The following CLEC2L variants were observed in gnomAD, a reference collection of about 807,000 sequenced individuals.
CLEC2L encodes the protein C-type lectin domain family 2, member L.
Under a neutral mutation model 23.6 loss-of-function variants are expected in CLEC2L, and 14 were observed. The ratio of observed to expected loss-of-function variants is 0.59; its 90% CI spans 0.39 to 0.93. The LOEUF (loss-of-function observed/expected upper bound fraction) is 0.93. Among genes scored for constraint, CLEC2L ranks in the 40% least tolerant of loss-of-function variants. CLEC2L has a pLI of 0.00. For missense variants in CLEC2L, 264 were observed against 282.4 expected (o/e 0.93, Z 0.47); for synonymous variants, 114 against 121.3 (o/e 0.94, Z 0.40).
At chr7:139,534,814 A>ATTAATT (rs1797629541) in intron 1 of CLEC2L, among the ~76,000 whole-genome samples, 2 of 151,882 alleles carry the variant, frequency 1.3e-5, no homozygotes, top group African/African-American at 2.4e-5. Flanking sequence ...TCCTCAATTA[A>ATTAATT]TGTTGGTTCC....
rs1797471376 is a variant in CLEC2L at position 139,524,137 on chromosome 7, C to A, written c.190+20C>A. On this transcript the variant is annotated intron_variant, in intron 1 of 4. Coordinates refer to ENST00000422142, the MANE Select transcript of CLEC2L (RefSeq NM_001080511.4). ...TGGAGGGTAAGCGCGGAGCGGCCTC[C>A]CTCTCCTGGCCCAGGGACCCCTGCC... The A allele has an allele frequency of 1.6e-6, 2 of 1,217,442 alleles. No homozygotes were observed. The highest frequency in any genetic ancestry group is 3.1e-5 in the African/African-American group (2 of 63,762). The allele number at this position is 1,217,442 out of a possible 1,614,324, so 75.4% of individuals were successfully genotyped here.
chr7:139,542,479 A>C (rs1452058514), intron 4 of CLEC2L, among the ~76,000 whole-genome samples: 1 of 152,116 alleles, frequency 6.6e-6, no homozygotes, highest in Non-Finnish European at 1.5e-5. Flanking sequence ...AGAGAATGGG[A>C]GGGAGGGCCC....
rs528731208 is a variant in CLEC2L at position 139,536,930 on chromosome 7, G to T, written c.265+582G>T. Among the ~76,000 whole-genome samples, 5 of 131,288 alleles carry T rather than the reference G, an allele frequency of 3.8e-5. No homozygotes were observed. In the South Asian group the frequency reaches 1.2e-3, roughly 31 times the overall value. The allele number at this position is 131,288 out of a possible 152,430, so 86.1% of individuals were successfully genotyped here. A position where few individuals can be genotyped will look rare whatever the true frequency, so the allele number is the denominator to read the frequency against. Reference sequence around the variant, plus strand: ...GCAGAGGTTGCAGTGAGTTGAGATCGCACACCACCGCACTCCACCCTGGGC... The same window carrying T: ...GCAGAGGTTGCAGTGAGTTGAGATCTCACACCACCGCACTCCACCCTGGGC... On this transcript the variant is annotated intron_variant, in intron 2 of 4. Coordinates refer to ENST00000422142, the MANE Select transcript of CLEC2L (RefSeq NM_001080511.4).
At chr7:139,542,203 G>T in intron 4 of CLEC2L, 82 bp downstream of exon 4, 1 of 911,132 alleles carries the variant, frequency 1.1e-6, no homozygotes, top group East Asian at 2.7e-5. Context: ...CTCCCGAAGA[G>T]AGAAGCCCTT....
In CLEC2L at chr7:139,540,128, G is replaced by A. The variant is rs961263698; in HGVS notation, c.266-193G>A. 176 of 584,876 alleles carry A rather than the reference G, an allele frequency of 3.0e-4. 1 individual carries two copies. The highest frequency in any genetic ancestry group is 4.5e-4 in the Non-Finnish European group (149 of 333,166). 36.2% of individuals were successfully genotyped at this position (584,876 alleles called of 1,614,324 possible). On this transcript the variant is annotated intron_variant, in intron 2 of 4. Coordinates refer to ENST00000422142, the MANE Select transcript of CLEC2L (RefSeq NM_001080511.4). This position sits in a 1 kb window ranked among gnomAD's most constrained non-coding sequence, Gnocchi z 5.8. Reference sequence around the variant, plus strand: ...CACTTCCCGTCGTGATGATGCCCCTGCCAGGCTTCCCACAGTCCCCTTTCT... The same window carrying A: ...CACTTCCCGTCGTGATGATGCCCCTACCAGGCTTCCCACAGTCCCCTTTCT...
In CLEC2L at chr7:139,539,337, T is replaced by C. The variant is rs1211577302; in HGVS notation, c.266-984T>C. 6.6e-6 allele frequency: 1 copy of C among 152,238 alleles called. No homozygotes were observed. Among genetic ancestry groups the C allele is most frequent in the Non-Finnish European group, 1.5e-5 (1 of 68,040 alleles). 9.4% of individuals were successfully genotyped at this position (152,238 alleles called of 1,614,324 possible). A position where few individuals can be genotyped will look rare whatever the true frequency, so the allele number is the denominator to read the frequency against. On this transcript the variant is annotated intron_variant, in intron 2 of 4. Coordinates refer to ENST00000422142, the MANE Select transcript of CLEC2L (RefSeq NM_001080511.4). This position sits in a 1 kb window ranked among gnomAD's most constrained non-coding sequence, Gnocchi z 4.1. The stretch of plus-strand genomic sequence containing the variant: ...CTGCATTTGGATTTAAGAAGTTATT[T>C]TCACATGTTCTGACACTGGGGGAGA...
rs779170322 is a variant in CLEC2L at position 139,542,013 on chromosome 7, C to T, written c.433-8C>T. 3.1e-6 allele frequency: 5 copies of T among 1,600,828 alleles called. No individual in the cohort carries two copies. Among genetic ancestry groups the T allele is most frequent in the Non-Finnish European group, 3.4e-6 (4 of 1,172,026 alleles). Reference sequence around the variant, plus strand: ...TGACCCTGAGGTGTCCCTTTTTCCTCGGTGCAGGAATTTATGTTCAAGTTC... The same window carrying T: ...TGACCCTGAGGTGTCCCTTTTTCCTTGGTGCAGGAATTTATGTTCAAGTTC... On this transcript the variant is annotated splice_region_variant and splice_polypyrimidine_tract_variant and intron_variant, in intron 3 of 4. Coordinates refer to ENST00000422142, the MANE Select transcript of CLEC2L (RefSeq NM_001080511.4).
intron 1 of CLEC2L, among the ~76,000 whole-genome samples, chr7:139,532,564 T>A (rs966885242): frequency 5.3e-5 from 8 of 152,196 alleles, no homozygotes; most frequent in Non-Finnish European, 8.8e-5. Context: ...GGCCTGCACG[T>A]TGGTTTCCTC....
chr7:139,528,712 G>A (rs558012418), intron 1 of CLEC2L, among the ~76,000 whole-genome samples: 1 of 152,288 alleles, frequency 6.6e-6, no homozygotes, highest in East Asian at 1.9e-4. Flanking sequence ...GACACACAAA[G>A]AGAATACCAT....
At chr7:139,542,741 G>A (rs76226178) in intron 4 of CLEC2L, among the ~76,000 whole-genome samples, 3,394 of 152,290 alleles carry the variant, frequency 0.022, 141 homozygotes, top group African/African-American at 0.077. Context: ...GACTCAAGTG[G>A]AGTGGATGTG....
intron 1 of CLEC2L, among the ~76,000 whole-genome samples, chr7:139,528,618 C>T (rs1797537526): frequency 1.3e-5 from 2 of 152,194 alleles, no homozygotes; most frequent in African/African-American, 2.4e-5. Context: ...TTACCTCCCA[C>T]CCAGTCCCTC....
intron 3 of CLEC2L, among the ~76,000 whole-genome samples, chr7:139,541,067 G>A (rs576438401): frequency 3.9e-5 from 6 of 152,170 alleles, no homozygotes; most frequent in Admixed American, 3.9e-4. Flanking sequence ...GGAGTACAAT[G>A]GTGCAATCTC....
intron 1 of CLEC2L, among the ~76,000 whole-genome samples, chr7:139,533,740 G>A (rs949989884): frequency 6.6e-6 from 1 of 152,154 alleles, no homozygotes; most frequent in African/African-American, 2.4e-5. Context: ...AAGGAAACAG[G>A]TTTCTTTTTA....
At chr7:139,524,292 G>A (rs1032305449) in intron 1 of CLEC2L, among the ~76,000 whole-genome samples, 175 bp downstream of exon 1, 1 of 152,070 alleles carries the variant, frequency 6.6e-6, no homozygotes, top group Non-Finnish European at 1.5e-5. Flanking sequence ...CGGTTCGTGG[G>A]GTGGGGTGGG....
Position 139,524,052 on chromosome 7 carries a change from A to G in CLEC2L, c.125A>G (p.Glu42Gly). 8.2e-7 allele frequency: 1 copy of G among 1,215,668 alleles called. No individual in the cohort carries two copies. The highest frequency in any genetic ancestry group is 1.0e-6 in the Non-Finnish European group (1 of 976,248). The allele number at this position is 1,215,668 out of a possible 1,614,324, so 75.3% of individuals were successfully genotyped here. ...SPAEAEARGP[E>G]GLLRRSGSGY... ...GCAGAGGCTGAGGCCCGCGGCCCCGAGGGGCTGCTGCGGCGATCCGGGTCG... is the reference window on the plus strand; with the variant it reads ...GCAGAGGCTGAGGCCCGCGGCCCCGGGGGGCTGCTGCGGCGATCCGGGTCG... Residue 42 changes from glutamate to glycine, a missense_variant, in exon 1 of 5, where the codon GAG becomes GGG. By Grantham distance (98) the Glu-to-Gly change is moderately conservative (BLOSUM62 -2). Transcript: ENST00000422142.
At position 139,539,361 on chromosome 7, in the gene CLEC2L, G is replaced by C. The variant is rs951320054; in HGVS notation, c.266-960G>C. The C allele has an allele frequency of 6.6e-6, 1 of 152,206 alleles. No individual in the cohort carries two copies. Among genetic ancestry groups the C allele is most frequent in the Admixed American group, 6.5e-5 (1 of 15,282 alleles). 9.4% of individuals were successfully genotyped at this position (152,206 alleles called of 1,614,324 possible). A position where few individuals can be genotyped will look rare whatever the true frequency, so the allele number is the denominator to read the frequency against. On this transcript the variant is annotated intron_variant, in intron 2 of 4. Transcript: ENST00000422142. The surrounding 1 kb of genome is among the most constrained non-coding windows in gnomAD (Gnocchi z 4.1). ...TTTCACATGTTCTGACACTGGGGGA[G>C]ACCTGGCTTAGAATCAGATCATATG... is the stretch of plus-strand genomic sequence containing the variant.
At position 139,544,127 on chromosome 7, in the gene CLEC2L, G is replaced by C. The variant is rs1797774646; in HGVS notation, c.534-104G>C. 7 of 750,120 alleles carry C rather than the reference G, an allele frequency of 9.3e-6. No homozygotes were observed. In the South Asian group the frequency reaches 1.2e-4, roughly 13 times the overall value. 46.5% of individuals were successfully genotyped at this position (750,120 alleles called of 1,614,324 possible). ...CCTAGAAGGCAGCTCCAGTGATGAA[G>C]TGAGGGAGGGATAGGTCACAGGGCC... On this transcript the variant is annotated intron_variant, in intron 4 of 4. Transcript: ENST00000422142.
intron 4 of CLEC2L, among the ~76,000 whole-genome samples, chr7:139,543,560 A>G (rs1363286449): frequency 2.6e-5 from 4 of 152,118 alleles, no homozygotes; most frequent in African/African-American, 9.7e-5. Flanking sequence ...CTAAGAAGAA[A>G]CCTCTGAGGC....
intron 1 of CLEC2L, among the ~76,000 whole-genome samples, chr7:139,530,970 C>A (rs1797573358): frequency 6.6e-6 from 1 of 152,168 alleles, no homozygotes; most frequent in South Asian, 2.1e-4. Context: ...AGAAAAGCCT[C>A]CTCCATGGAC....
Sources: allele counts gnomAD v4.1 joint callset (sites outside exome capture counted in the v4.1 genomes callset), GRCh38; gene constraint gnomAD v4.1.1; non-coding constraint Gnocchi (gnomAD v3.1); transcripts MANE v1.5; gene names NCBI Gene and HGNC (gene_info 2026-07-23, HGNC 2026-07-21).